The following LY75 variants were observed in gnomAD, a reference collection of about 807,000 sequenced individuals.
LY75 encodes lymphocyte antigen 75.
A neutral mutation model predicts 231.7 loss-of-function variants in LY75; 185 were observed. The observed-to-expected ratio is 0.80, with a 90% CI of 0.71 to 0.90. LY75 has a LOEUF of 0.90. Among genes scored for constraint, LY75 ranks in the 40% least tolerant of loss-of-function variants. LY75 has a pLI of 0.00. For missense variants in LY75, 1,947 were observed against 2,050.2 expected (o/e 0.95, Z 0.97); for synonymous variants, 668 against 689.0 (o/e 0.97, Z 0.48).
chr2:159,902,446 A>T (rs188471635), intron 1 of LY75: 10 of 152,338 alleles, frequency 6.6e-5, no homozygotes, highest in African/African-American at 2.2e-4. Context: ...TTATTGTCTG[A>T]TCACTAAATA....
chr2:159,831,009 A>G (rs1683638800), intron 28 of LY75, among the ~76,000 whole-genome samples: 1 of 152,244 alleles, frequency 6.6e-6, no homozygotes, highest in Non-Finnish European at 1.5e-5. Flanking sequence ...TAGTGGAAAC[A>G]AAAAATAAGT....
intron 15 of LY75, among the ~76,000 whole-genome samples, chr2:159,859,130 T>C (rs1342118416): frequency 1.3e-5 from 2 of 152,248 alleles, no homozygotes; most frequent in East Asian, 1.9e-4. Flanking sequence ...CTCTCCATAC[T>C]TGGCAACTCT....
chr2:159,853,337 C>T lies in LY75; in HGVS notation c.2679G>A (p.Trp893Ter). The change falls in exon 20 of 35, where the codon TGG becomes TGA. Residue 893 changes from tryptophan to a stop codon, truncating the protein, a stop_gained. Coordinates refer to ENST00000263636, the MANE Select transcript of LY75 (RefSeq NM_002349.4). LOFTEE classifies it high-confidence loss of function. ...DDHFTYSRYP[W>*]HRFPVTFGEE... Reference sequence around the variant, plus strand: ...CTCCAAATGTCACAGGAAAGCGGTGCCATGGATATCGTGAGCTAAAAGAAA... The same window carrying T: ...CTCCAAATGTCACAGGAAAGCGGTGTCATGGATATCGTGAGCTAAAAGAAA... 1 of 1,613,260 alleles carries T rather than the reference C, an allele frequency of 6.2e-7. No homozygotes were observed. The highest frequency in any genetic ancestry group is 8.5e-7 in the Non-Finnish European group (1 of 1,179,440).
intron 25 of LY75, among the ~76,000 whole-genome samples, chr2:159,836,886 G>A (rs1005578481): frequency 1.3e-5 from 2 of 152,098 alleles, no homozygotes; most frequent in East Asian, 1.9e-4. Context: ...TGATCCTTTG[G>A]AATTTCCATT....
At position 159,831,597 on chromosome 2, in the gene LY75, A is replaced by G; in HGVS notation, c.3958+73T>C. On this transcript the variant is annotated intron_variant, in intron 28 of 34. Transcript: ENST00000263636. ...GTATTGATAGACATGTACTTTGAAG[A>G]ACTATGGCTTGATAATTATGTTATA... 7.3e-6 allele frequency: 11 copies of G among 1,500,402 alleles called. 1 individual carries two copies. The South Asian group carries it at 1.3e-4, about 18-fold the overall frequency. The allele number at this position is 1,500,402 out of a possible 1,614,324, so 92.9% of individuals were successfully genotyped here.
chr2:159,840,936 C>A lies in LY75; in HGVS notation c.3300G>T (p.Thr1100=). The A allele has an allele frequency of 1.2e-6, 2 of 1,613,774 alleles. No homozygotes were observed. Among genetic ancestry groups the A allele is most frequent in the Non-Finnish European group, 1.7e-6 (2 of 1,179,918 alleles). ...TTACAGTTTCTGAAGCATTCTGCAA[C>A]GTCTGTCTGCTTTTAACTTCTGCAT... ...QKYSEVKSRQ[T]LQNASETVKY... Residue 1100 remains threonine, a synonymous_variant, in exon 25 of 35, where the codon ACG becomes ACT. Transcript: ENST00000263636.
At chr2:159,894,650 A>T (rs957077708) in intron 2 of LY75, among the ~76,000 whole-genome samples, 1 of 152,210 alleles carries the variant, frequency 6.6e-6, no homozygotes, top group Admixed American at 6.5e-5. Context: ...AGGAAGTAAA[A>T]GGAAGAGCTG....
In LY75 at chr2:159,835,541, T is replaced by C; in HGVS notation, c.3612A>G (p.Gly1204=). 6.2e-7 allele frequency: 1 copy of C among 1,613,142 alleles called. No individual in the cohort carries two copies. Among genetic ancestry groups the C allele is most frequent in the South Asian group, 1.1e-5 (1 of 90,772 alleles). Reference sequence around the variant, plus strand: ...CATTGCAATCAACTGTTTTCCAGAATCCATCAGTGTCTAATACTACACAGT... The same window carrying C: ...CATTGCAATCAACTGTTTTCCAGAACCCATCAGTGTCTAATACTACACAGT... ...LEDCVVLDTD[G]FWKTVDCNDN... The change falls in exon 26 of 35, where the codon GGA becomes GGG. Residue 1204 remains glycine (G), a synonymous_variant. Transcript: ENST00000263636.
chr2:159,805,785 T>C (rs1409546802), intron 34 of LY75, among the ~76,000 whole-genome samples: 2 of 152,218 alleles, frequency 1.3e-5, no homozygotes, highest in Non-Finnish European at 2.9e-5. Flanking sequence ...CCTCTATGGA[T>C]AACTCAAAAT....
intron 12 of LY75, among the ~76,000 whole-genome samples, chr2:159,873,264 A>G (rs1280048552): frequency 6.6e-6 from 1 of 152,180 alleles, no homozygotes; most frequent in Non-Finnish European, 1.5e-5. Flanking sequence ...TCCTTGTAAT[A>G]TAATTAGATG....
At chr2:159,861,356 C>A (rs1262229296) in intron 14 of LY75, among the ~76,000 whole-genome samples, 1 of 152,056 alleles carries the variant, frequency 6.6e-6, no homozygotes, top group East Asian at 1.9e-4. Context: ...AATAATTTTG[C>A]TCCTATAACT....
chr2:159,899,912 C>T (rs896247148), intron 1 of LY75, among the ~76,000 whole-genome samples: 1 of 152,240 alleles, frequency 6.6e-6, no homozygotes, highest in Non-Finnish European at 1.5e-5. Context: ...TCGTCTGCAA[C>T]TATCCAGCCA....
chr2:159,855,660 T>C (rs1684526858), intron 16 of LY75, among the ~76,000 whole-genome samples: 2 of 152,140 alleles, frequency 1.3e-5, no homozygotes, highest in South Asian at 4.1e-4. Context: ...TTTTCTCCTC[T>C]ATGAAAACTA....
intron 25 of LY75, among the ~76,000 whole-genome samples, chr2:159,837,435 A>T (rs928264623): frequency 9.9e-5 from 15 of 152,210 alleles, no homozygotes; most frequent in African/African-American, 3.1e-4. Flanking sequence ...AGTGGGAGCT[A>T]AATATTGGGT....
rs1192161339 is a variant in LY75, at chr2:159,848,164, G to GTA, written c.3150+1815_3150+1816insTA. ...GTATTTATATATGGTGTGTGTGTGT[G>GTA]TGTATATGTATATATATGTATGTAT... On this transcript the variant is annotated intron_variant, in intron 23 of 34. Coordinates refer to ENST00000263636, the MANE Select transcript of LY75 (RefSeq NM_002349.4). Among the ~76,000 whole-genome samples the GTA allele has an allele frequency of 3.0e-3, 320 of 105,486 alleles. No homozygotes were observed. In the Middle Eastern group the frequency reaches 0.042, roughly 14 times the overall value. 69.2% of individuals were successfully genotyped at this position (105,486 alleles called of 152,430 possible).
chr2:159,876,695 T>C (rs969162280), intron 11 of LY75, among the ~76,000 whole-genome samples: 26 of 151,854 alleles, frequency 1.7e-4, no homozygotes, highest in Non-Finnish European at 2.9e-5. Flanking sequence ...GAACGTCACC[T>C]TTACTCTTAG....
intron 4 of LY75, 124 bp from the exon 5 acceptor site, chr2:159,886,654 A>T (rs1050275610): frequency 1.0e-6 from 1 of 957,720 alleles, no homozygotes; most frequent in African/African-American, 1.7e-5. Context: ...ATCCCTGTAG[A>T]GGGCTGTTTA....
intron 21 of LY75, 24 bp downstream of exon 21, chr2:159,852,177 A>G: frequency 6.2e-7 from 1 of 1,611,090 alleles, no homozygotes; most frequent in Non-Finnish European, 8.5e-7. Context: ...TCATTGTTGC[A>G]TAATGTAGCA....
intron 31 of LY75, among the ~76,000 whole-genome samples, chr2:159,814,492 A>G (rs1428940782): frequency 6.6e-6 from 1 of 151,892 alleles, no homozygotes; most frequent in Non-Finnish European, 1.5e-5. Flanking sequence ...TAACTCTACA[A>G]AATATTTTAA....
Sources: allele counts gnomAD v4.1 joint callset (sites outside exome capture counted in the v4.1 genomes callset), GRCh38; gene constraint gnomAD v4.1.1; transcripts MANE v1.5; gene names NCBI Gene and HGNC (gene_info 2026-07-23, HGNC 2026-07-21).